USP25: variants seen among roughly 807,000 people sequenced by gnomAD.
The protein encoded by USP25 is ubiquitin specific peptidase 25, also known as ubiquitin carboxyl-terminal hydrolase 25.
Under a neutral mutation model 158.5 loss-of-function variants are expected in USP25, and 85 were observed. That is an observed-to-expected ratio of 0.54 (90% CI 0.45 to 0.64). The LOEUF (loss-of-function observed/expected upper bound fraction) is 0.64. USP25 is among the 30% of genes least tolerant of loss of function. The pLI is 0.00. For synonymous variants in USP25, 464 were observed against 460.4 expected, an observed-to-expected ratio of 1.01 and a Z score of -0.10; for missense variants, 1,242 against 1,327.3, an observed-to-expected ratio of 0.94 and a Z score of 1.00.
At chr21:15,858,920 C>A (rs1392497030) in intron 20 of USP25, among the ~76,000 whole-genome samples, 6 of 151,620 alleles carry the variant, frequency 4.0e-5, no homozygotes, top group Non-Finnish European at 8.8e-5. Context: ...TACTTGTAAA[C>A]CCTTAATTCT....
chr21:15,841,816 A>C lies in USP25; in HGVS notation c.2195-582A>C, dbSNP rs527435746. Among the ~76,000 whole-genome samples, 7 of 151,768 alleles carry C rather than the reference A, an allele frequency of 4.6e-5. No individual in the cohort carries two copies. The East Asian group carries it at 1.3e-3, about 29-fold the overall frequency. On this transcript the variant is annotated intron_variant, in intron 17 of 25. Coordinates refer to ENST00000400183, the MANE Select transcript of USP25 (RefSeq NM_001283041.3). ...GGCTTGTCTCATCTAGGGAACACCC[A>C]GTGGATGTTCATTGTACATTGTTGG... is the stretch of plus-strand genomic sequence containing the variant.
chr21:15,738,996 T>G (rs2031786319), intron 1 of USP25, among the ~76,000 whole-genome samples: 1 of 152,162 alleles, frequency 6.6e-6, no homozygotes, highest in Non-Finnish European at 1.5e-5. Flanking sequence ...TTGTGAGCCC[T>G]TAAAAGGGAC....
chr21:15,865,064 A>G (rs2039598721), intron 21 of USP25, among the ~76,000 whole-genome samples: 1 of 151,964 alleles, frequency 6.6e-6, no homozygotes, highest in Non-Finnish European at 1.5e-5. Context: ...AAATTTCTGT[A>G]GAATTTCTGT....
chr21:15,763,400 T>C (rs778842737), intron 2 of USP25, among the ~76,000 whole-genome samples: 1 of 152,168 alleles, frequency 6.6e-6, no homozygotes, highest in Non-Finnish European at 1.5e-5. Context: ...AGCAGAGATA[T>C]AAATTTGCAC....
At chr21:15,848,788 A>C (rs2038749604) in intron 19 of USP25, among the ~76,000 whole-genome samples, 1 of 152,120 alleles carries the variant, frequency 6.6e-6, no homozygotes. Flanking sequence ...CTGGTCAGAG[A>C]GTTTTCTCAA....
chr21:15,857,936 CAT>C (rs2146525518), intron 20 of USP25, among the ~76,000 whole-genome samples: 1 of 152,160 alleles, frequency 6.6e-6, no homozygotes, highest in Non-Finnish European at 1.5e-5. Context: ...TGACTTGACA[CAT>C]ATACTAAATC....
chr21:15,817,792 T>C (rs2146323795), intron 9 of USP25, among the ~76,000 whole-genome samples: 1 of 152,292 alleles, frequency 6.6e-6, no homozygotes, highest in South Asian at 2.1e-4. Context: ...GCCCCCATGA[T>C]TGAATTATCT....
intron 20 of USP25, among the ~76,000 whole-genome samples, chr21:15,858,203 A>G (rs138398208): frequency 0.013 from 2,040 of 152,196 alleles, 18 homozygotes; most frequent in Non-Finnish European, 0.022. Flanking sequence ...GATGATTTTT[A>G]AAATCAATTG....
intron 18 of USP25, among the ~76,000 whole-genome samples, chr21:15,845,881 A>T (rs1199677668): frequency 6.6e-6 from 1 of 151,974 alleles, no homozygotes; most frequent in African/African-American, 2.4e-5. Context: ...AATGTGTGTG[A>T]TAGTAGTATT....
chr21:15,741,230 A>T (rs996301053), intron 1 of USP25, among the ~76,000 whole-genome samples: 1 of 150,530 alleles, frequency 6.6e-6, no homozygotes, highest in East Asian at 1.9e-4. Flanking sequence ...TCTTTTTACT[A>T]TGGAGTAATA....
At chr21:15,870,026 A>T in intron 22 of USP25, 42 bp from the exon 23 acceptor site, 1 of 1,465,318 alleles carries the variant, frequency 6.8e-7, no homozygotes, top group Non-Finnish European at 9.4e-7. Flanking sequence ...GTACTTTTTA[A>T]ATCTTACTCT....
At position 15,871,304 on chromosome 21, in the gene USP25, T is replaced by C. The variant is rs533989478; in HGVS notation, c.2885+1157T>C. Among the ~76,000 whole-genome samples, 34 of 152,360 alleles carry C rather than the reference T, an allele frequency of 2.2e-4. No homozygotes were observed. In the South Asian group the frequency reaches 6.8e-3, roughly 31 times the overall value. On this transcript the variant is annotated intron_variant, in intron 23 of 25. Transcript: ENST00000400183. ...ATCAATACCTCCAATTTATGAGTTA[T>C]GTCAATCAAGATTTTATTTCTTTAA...
chr21:15,746,245 G>A (rs1441860014), intron 1 of USP25, among the ~76,000 whole-genome samples: 1 of 152,236 alleles, frequency 6.6e-6, no homozygotes, highest in Non-Finnish European at 1.5e-5. Context: ...TTTCTGAGTA[G>A]GATTGTGTTG....
chr21:15,874,350 T>C (rs2040014774), intron 23 of USP25, 53 bp from the exon 24 acceptor site: 1 of 1,474,920 alleles, frequency 6.8e-7, no homozygotes, highest in Non-Finnish European at 9.2e-7. Flanking sequence ...TAGCTGACTT[T>C]GTTTCTACAA....
chr21:15,867,004 C>CGAATT (rs1325049435), intron 22 of USP25, among the ~76,000 whole-genome samples: 2 of 152,034 alleles, frequency 1.3e-5, no homozygotes, highest in African/African-American at 4.8e-5. Flanking sequence ...GAAGTTAATT[C>CGAATT]ATTTTAGTCC....
At chr21:15,876,550 GGA>G (rs2040104417) in intron 24 of USP25, 1 of 166,934 alleles carries the variant, frequency 6.0e-6, no homozygotes, top group African/African-American at 2.4e-5. Flanking sequence ...CATGGTGGCA[GGA>G]GAGAGAAGTG....
intron 3 of USP25, among the ~76,000 whole-genome samples, chr21:15,769,602 C>A (rs1185323660): frequency 6.6e-6 from 1 of 151,962 alleles, no homozygotes; most frequent in East Asian, 1.9e-4. Context: ...GGACACGATA[C>A]CCGGTATTGA....
chr21:15,757,829 A>G (rs892992645), intron 1 of USP25, among the ~76,000 whole-genome samples: 3 of 152,340 alleles, frequency 2.0e-5, no homozygotes, highest in Non-Finnish European at 4.4e-5. Context: ...AGTGGCAAAG[A>G]GTATGAATAC....
chr21:15,773,478 T>C (rs1007467674), intron 3 of USP25, among the ~76,000 whole-genome samples: 1 of 152,170 alleles, frequency 6.6e-6, no homozygotes, highest in African/African-American at 2.4e-5. Flanking sequence ...TTCTGGTTTT[T>C]TTTTTTCCTC....
Sources: gnomAD v4.1 joint callset for allele counts (sites outside exome capture counted in the v4.1 genomes callset) on GRCh38, gnomAD v4.1.1 for gene constraint, MANE v1.5 for transcripts, NCBI Gene and HGNC (gene_info 2026-07-23, HGNC 2026-07-21) for gene names.